CTNND2: variants seen among roughly 807,000 people sequenced by gnomAD.
CTNND2 encodes catenin delta-2.
In CTNND2, 22 loss-of-function variants were observed where a neutral mutation model predicts 144.4. That is an observed-to-expected ratio of 0.15 (90% CI 0.11 to 0.22). The LOEUF is 0.22. Among genes scored for constraint, CTNND2 ranks in the 10% least tolerant of loss-of-function variants. The probability of loss-of-function intolerance (pLI) is 1.00; values close to 1 mark genes in which losing one functional copy is unlikely to be tolerated. For missense variants in CTNND2, 1,353 were observed against 1,618.8 expected (o/e 0.84, Z 2.82); for synonymous variants, 751 against 695.6 (o/e 1.08, Z -1.25).
intron 2 of CTNND2, among the ~76,000 whole-genome samples, chr5:11,726,679 G>C (rs1213971590): frequency 6.6e-6 from 1 of 152,102 alleles, no homozygotes. Context: ...GCACTATATT[G>C]TCATGTTACA....
At chr5:11,126,108 C>T (rs1282809040) in intron 12 of CTNND2, among the ~76,000 whole-genome samples, 1 of 152,126 alleles carries the variant, frequency 6.6e-6, no homozygotes, top group Non-Finnish European at 1.5e-5. Context: ...TCGAGACCAG[C>T]CTGACCAACA....
chr5:11,079,575 G>A (rs920873927), intron 16 of CTNND2, among the ~76,000 whole-genome samples: 2 of 152,034 alleles, frequency 1.3e-5, no homozygotes, highest in Non-Finnish European at 2.9e-5. Context: ...CCCAACACTC[G>A]CCCTGCCAGG....
At position 11,497,511 on chromosome 5, in the gene CTNND2, C is replaced by CGG. The variant is rs940620634; in HGVS notation, c.287+67431_287+67432dup. Among the ~76,000 whole-genome samples the CGG allele has an allele frequency of 4.2e-3, 26 of 6,200 alleles. 1 individual carries two copies. Among genetic ancestry groups the CGG allele is most frequent in the South Asian group, 0.011 (2 of 186 alleles). 4.1% of individuals were successfully genotyped at this position (6,200 alleles called of 152,430 possible). On this transcript the variant is annotated intron_variant, in intron 3 of 21. Coordinates refer to ENST00000304623, the MANE Select transcript of CTNND2 (RefSeq NM_001332.4). Reference sequence around the variant, plus strand: ...CATCCATGAGGCAAAGAATGATGTGCGGGGGGGTGGGGGGGGGCAATATGT... The same window carrying CGG: ...CATCCATGAGGCAAAGAATGATGTGCGGGGGGGGGTGGGGGGGGGCAATATGT...
At chr5:11,782,624 C>T (rs966134740) in intron 1 of CTNND2, among the ~76,000 whole-genome samples, 4 of 152,186 alleles carry the variant, frequency 2.6e-5, no homozygotes, top group Non-Finnish European at 4.4e-5. Context: ...CATTCCACTA[C>T]GACGAATCTA....
At position 11,048,118 on chromosome 5, in the gene CTNND2, C is replaced by T. The variant is rs143549784; in HGVS notation, c.2789-25139G>A. On this transcript the variant is annotated intron_variant, in intron 16 of 21. Transcript: ENST00000304623. Reference sequence around the variant, plus strand: ...GTACCCTCCTTGAGGCAAGGAAATACAGGCTCTTTATCACCTGAGCTCCCA... The same window carrying T: ...GTACCCTCCTTGAGGCAAGGAAATATAGGCTCTTTATCACCTGAGCTCCCA... Among the ~76,000 whole-genome samples, 264 of 152,256 alleles carry T rather than the reference C, an allele frequency of 1.7e-3. 1 individual carries two copies. The highest frequency in any genetic ancestry group is 5.9e-3 in the African/African-American group (246 of 41,542).
chr5:11,052,245 C>A (rs1041131829), intron 16 of CTNND2, among the ~76,000 whole-genome samples: 1 of 152,098 alleles, frequency 6.6e-6, no homozygotes, highest in South Asian at 2.1e-4. Flanking sequence ...TGAAACAGAG[C>A]AATTTTTGAG....
At chr5:11,550,883 A>G (rs895778674) in intron 3 of CTNND2, among the ~76,000 whole-genome samples, 6 of 152,202 alleles carry the variant, frequency 3.9e-5, no homozygotes, top group Non-Finnish European at 8.8e-5. Context: ...GTTTTGTTAA[A>G]TGTTTTTTTG....
intron 5 of CTNND2, among the ~76,000 whole-genome samples, chr5:11,404,753 G>A (rs1405886567): frequency 6.6e-6 from 1 of 151,718 alleles, no homozygotes; most frequent in African/African-American, 2.4e-5. Flanking sequence ...AAGTAGCTGG[G>A]ATTACAGGGG....
chr5:11,141,818 A>C (rs1756758734), intron 12 of CTNND2, among the ~76,000 whole-genome samples: 1 of 152,180 alleles, frequency 6.6e-6, no homozygotes, highest in African/African-American at 2.4e-5. Context: ...CTATAGTTTG[A>C]AGGTGTTCTC....
At position 11,095,428 on chromosome 5, in the gene CTNND2, C is replaced by G. The variant is rs16901252; in HGVS notation, c.2637+3147G>C. Among the ~76,000 whole-genome samples, 2,380 of 152,268 alleles carry G rather than the reference C, an allele frequency of 0.016. 144 individuals are homozygous for G. In the East Asian group the frequency reaches 0.21, roughly 14 times the overall value. ...TAAAATGTGACCATCTGAGGATGGC[C>G]TGGAACATAATATGTGCTACCAAAT... On this transcript the variant is annotated intron_variant, in intron 15 of 21. Transcript: ENST00000304623.
chr5:11,873,494 G>A (rs778665804), intron 1 of CTNND2, among the ~76,000 whole-genome samples: 1 of 152,128 alleles, frequency 6.6e-6, no homozygotes. Context: ...TATCTTTCAA[G>A]GTGAACTGGA....
At chr5:11,028,577 C>G (rs1743106238) in intron 16 of CTNND2, among the ~76,000 whole-genome samples, 1 of 152,140 alleles carries the variant, frequency 6.6e-6, no homozygotes, top group Non-Finnish European at 1.5e-5. Context: ...CTTTCTGTCT[C>G]TTTGAATTTG....
At chr5:11,604,108 A>G (rs1779936591) in intron 2 of CTNND2, among the ~76,000 whole-genome samples, 1 of 152,174 alleles carries the variant, frequency 6.6e-6, no homozygotes, top group South Asian at 2.1e-4. Context: ...ACAGAAATTT[A>G]CTATTTCATG....
At chr5:11,073,745 A>G (rs1410244113) in intron 16 of CTNND2, among the ~76,000 whole-genome samples, 1 of 152,224 alleles carries the variant, frequency 6.6e-6, no homozygotes, top group East Asian at 1.9e-4. Flanking sequence ...GCTGTAACAT[A>G]GGCACCTAAT....
chr5:11,358,622 T>C (rs1756141007), intron 8 of CTNND2, among the ~76,000 whole-genome samples: 1 of 152,250 alleles, frequency 6.6e-6, no homozygotes, highest in South Asian at 2.1e-4. Context: ...ATATTTTTGA[T>C]ACTGGACTAT....
intron 1 of CTNND2, among the ~76,000 whole-genome samples, chr5:11,887,196 A>C (rs536947729): frequency 6.6e-6 from 1 of 151,730 alleles, no homozygotes; most frequent in African/African-American, 2.4e-5. Context: ...TGTTAGCCAG[A>C]ATGGTCTTGA....
At chr5:11,390,298 G>A (rs1037474151) in intron 6 of CTNND2, among the ~76,000 whole-genome samples, 5 of 152,190 alleles carry the variant, frequency 3.3e-5, no homozygotes, top group South Asian at 2.1e-4. Context: ...AGTGGCACTC[G>A]TTTTAGTGCC....
Position 11,768,651 on chromosome 5 carries a change from A to G in CTNND2, c.38-36379T>C, listed in dbSNP as rs116082502. 4.0e-3 allele frequency among the ~76,000 whole-genome samples: 602 copies of G among 152,316 alleles called. 4 individuals carry two copies. The highest frequency in any genetic ancestry group is 0.013 in the African/African-American group (560 of 41,576). ...GACATTGCTGAAGTTCACATAACCA[A>G]TGAGTAACTAAGCCAGACCCACACT... On this transcript the variant is annotated intron_variant, in intron 1 of 21. Coordinates refer to ENST00000304623, the MANE Select transcript of CTNND2 (RefSeq NM_001332.4).
Position 11,107,226 on chromosome 5 carries a change from C to T in CTNND2, c.2463+3632G>A, listed in dbSNP as rs61754617. Among the ~76,000 whole-genome samples the T allele has an allele frequency of 3.9e-3, 597 of 152,264 alleles. 4 individuals are homozygous for T. Among genetic ancestry groups the T allele is most frequent in the African/African-American group, 0.012 (503 of 41,542 alleles). Reference sequence around the variant, plus strand: ...CTTCTTGGAGGTTAGTGCTATTTTACTCACATATTATTTACATGTTAACTA... The same window carrying T: ...CTTCTTGGAGGTTAGTGCTATTTTATTCACATATTATTTACATGTTAACTA... On this transcript the variant is annotated intron_variant, in intron 14 of 21. Coordinates refer to ENST00000304623, the MANE Select transcript of CTNND2 (RefSeq NM_001332.4).
Sources: gnomAD v4.1 joint callset for allele counts (sites outside exome capture counted in the v4.1 genomes callset) on GRCh38, gnomAD v4.1.1 for gene constraint, MANE v1.5 for transcripts, NCBI Gene and HGNC (gene_info 2026-07-23, HGNC 2026-07-21) for gene names.